The following GNG7 variants were observed in gnomAD, a reference collection of about 807,000 sequenced individuals.
GNG7 encodes the protein guanine nucleotide-binding protein G(I)/G(S)/G(O) subunit gamma-7.
GNG7 carries 1 observed loss-of-function variant against 4.0 expected under a neutral mutation model. The observed-to-expected ratio is 0.25, with a 90% CI of 0.09 to 1.18. GNG7 has a LOEUF of 1.18. Among genes scored for constraint, GNG7 ranks in the 50% most tolerant of loss-of-function variants. The probability of loss-of-function intolerance (pLI) is 0.50; values close to 1 mark genes in which losing one functional copy is unlikely to be tolerated. For missense variants in GNG7, 86 were observed against 91.9 expected (o/e 0.94, Z 0.26); for synonymous variants, 34 against 36.9 (o/e 0.92, Z 0.29).
At chr19:2,586,752 A>T (rs532940675) in intron 2 of GNG7, among the ~76,000 whole-genome samples, 51 of 152,208 alleles carry the variant, frequency 3.4e-4, no homozygotes, top group Middle Eastern at 6.8e-3. Flanking sequence ...TGGGAGGCTG[A>T]GGTGGGCGGA....
intron 1 of GNG7, among the ~76,000 whole-genome samples, chr19:2,649,390 AATT>A (rs142328153): frequency 1.4e-5 from 2 of 145,790 alleles, no homozygotes; most frequent in African/African-American, 5.1e-5. Context: ...CACCCCTAGG[AATT>A]ATTATTATTA....
intron 3 of GNG7, among the ~76,000 whole-genome samples, chr19:2,553,601 C>T (rs996734991): frequency 6.7e-6 from 1 of 148,328 alleles, no homozygotes; most frequent in East Asian, 1.9e-4. Context: ...ATATTACATG[C>T]AATATATCAT....
chr19:2,670,158 T>A (rs1983415155), intron 1 of GNG7, among the ~76,000 whole-genome samples: 1 of 152,172 alleles, frequency 6.6e-6, no homozygotes, highest in Admixed American at 6.6e-5. Flanking sequence ...TCCGTTAATA[T>A]TTTGTTGGAG....
intron 1 of GNG7, among the ~76,000 whole-genome samples, chr19:2,655,324 G>T (rs118063011): frequency 0.015 from 2,356 of 152,068 alleles, 29 homozygotes; most frequent in Non-Finnish European, 0.024. Context: ...ATGAAAAAAC[G>T]CTGAAGATCA....
At chr19:2,641,551 G>A (rs1400376346) in intron 2 of GNG7, among the ~76,000 whole-genome samples, 3 of 152,132 alleles carry the variant, frequency 2.0e-5, no homozygotes, top group East Asian at 1.9e-4. Context: ...TCTAGACGCT[G>A]GGAAATGCGG....
At chr19:2,554,697 G>A (rs954130802) in intron 3 of GNG7, among the ~76,000 whole-genome samples, 1 of 151,900 alleles carries the variant, frequency 6.6e-6, no homozygotes, top group Admixed American at 6.6e-5. Flanking sequence ...TGGGATTACA[G>A]GCACCTGCCA....
At chr19:2,581,966 T>A (rs753868816) in intron 2 of GNG7, among the ~76,000 whole-genome samples, 1 of 152,162 alleles carries the variant, frequency 6.6e-6, no homozygotes, top group Admixed American at 6.5e-5. Flanking sequence ...CATCATCCTA[T>A]GTCACCTACC....
At chr19:2,619,927 T>C (rs761225672) in intron 2 of GNG7, among the ~76,000 whole-genome samples, 1 of 150,060 alleles carries the variant, frequency 6.7e-6, no homozygotes, top group Non-Finnish European at 1.5e-5. Flanking sequence ...CAGTTATATC[T>C]CAATAAAGCT....
chr19:2,585,235 G>T (rs1398162225), intron 2 of GNG7, among the ~76,000 whole-genome samples: 3 of 152,048 alleles, frequency 2.0e-5, no homozygotes, highest in African/African-American at 7.2e-5. Flanking sequence ...AAATTAATAT[G>T]CATACATGCA....
chr19:2,611,958 C>T lies in GNG7; in HGVS notation c.-78+34266G>A, dbSNP rs930846804. On this transcript the variant is annotated intron_variant, in intron 2 of 4. Transcript: ENST00000382159. The surrounding 1 kb of genome is among the most constrained non-coding windows in gnomAD (Gnocchi z 6.0). ...GTGTGATCTCAGCTCACTGCAACCT[C>T]CGCCTCCCGAGTTTAAGCGATTCTC... 2.0e-5 allele frequency: 3 copies of T among 151,952 alleles called. No individual in the cohort carries two copies. Among genetic ancestry groups the T allele is most frequent in the African/African-American group, 7.3e-5 (3 of 41,338 alleles). The allele number at this position is 151,952 out of a possible 1,614,324, so 9.4% of individuals were successfully genotyped here. A position where few individuals can be genotyped will look rare whatever the true frequency, so the allele number is the denominator to read the frequency against.
intron 1 of GNG7, among the ~76,000 whole-genome samples, chr19:2,649,873 C>T (rs1052033597): frequency 6.6e-6 from 1 of 152,110 alleles, no homozygotes; most frequent in Non-Finnish European, 1.5e-5. Flanking sequence ...CCCCCGATCC[C>T]CAGCCCCGGC....
intron 3 of GNG7, among the ~76,000 whole-genome samples, chr19:2,541,701 C>T (rs1307585032): frequency 6.6e-6 from 1 of 151,122 alleles, no homozygotes; most frequent in African/African-American, 2.4e-5. Context: ...GAGATCACGC[C>T]ACTGCACTCT....
chr19:2,696,360 G>GAAAGA (rs1414057169), intron 1 of GNG7, among the ~76,000 whole-genome samples: 35 of 142,378 alleles, frequency 2.5e-4, no homozygotes, highest in Middle Eastern at 3.5e-3. Flanking sequence ...AGAAAGAAAA[G>GAAAGA]AAAGAAAGAA....
intron 3 of GNG7, among the ~76,000 whole-genome samples, chr19:2,549,272 G>A (rs943180264): frequency 2.7e-5 from 4 of 150,150 alleles, no homozygotes; most frequent in Admixed American, 6.8e-5. Flanking sequence ...GGACATGCAC[G>A]GAGGGCTTAA....
At chr19:2,535,499 C>CAA (rs113272956) in intron 3 of GNG7, among the ~76,000 whole-genome samples, 119 of 133,422 alleles carry the variant, frequency 8.9e-4, no homozygotes, top group African/African-American at 3.1e-3. Context: ...GACCTTGTCT[C>CAA]AAAAAAAAAA....
chr19:2,599,470 G>C (rs1449222183), intron 2 of GNG7, among the ~76,000 whole-genome samples: 1 of 151,974 alleles, frequency 6.6e-6, no homozygotes, highest in Non-Finnish European at 1.5e-5. Context: ...TGCGGACCTG[G>C]GAGGGGGGCC....
intron 2 of GNG7, among the ~76,000 whole-genome samples, chr19:2,603,074 GTTCT>G (rs1290420068): frequency 4.0e-5 from 5 of 123,622 alleles, no homozygotes; most frequent in Non-Finnish European, 8.6e-5. Context: ...GTTCTGTTCT[GTTCT>G]TTTTTTTGAT....
At chr19:2,539,300 T>C (rs912115552) in intron 3 of GNG7, among the ~76,000 whole-genome samples, 1 of 146,392 alleles carries the variant, frequency 6.8e-6, no homozygotes, top group Non-Finnish European at 1.5e-5. Context: ...AATAAACATA[T>C]ATACCAACTT....
At position 2,543,825 on chromosome 19, in the gene GNG7, C is replaced by G. The variant is rs182080697; in HGVS notation, c.-38+11324G>C. Reference sequence around the variant, plus strand: ...GGCGCGGCGTGCCGGGGTGAGTCAGCCCCGGGGGAAGGTGGCCTTGAAGGC... The same window carrying G: ...GGCGCGGCGTGCCGGGGTGAGTCAGGCCCGGGGGAAGGTGGCCTTGAAGGC... On this transcript the variant is annotated intron_variant, in intron 3 of 4. Transcript: ENST00000382159. 1.1e-3 allele frequency among the ~76,000 whole-genome samples: 166 copies of G among 152,254 alleles called. 1 individual carries two copies. The highest frequency in any genetic ancestry group is 3.0e-3 in the Admixed American group (46 of 15,286).
Sources: gnomAD v4.1 joint callset for allele counts (sites outside exome capture counted in the v4.1 genomes callset) on GRCh38, gnomAD v4.1.1 for gene constraint, Gnocchi (gnomAD v3.1) non-coding constraint, MANE v1.5 for transcripts, NCBI Gene and HGNC (gene_info 2026-07-23, HGNC 2026-07-21) for gene names.